The following NAA60 variants were observed in gnomAD, a reference collection of about 807,000 sequenced individuals.
NAA60 encodes the protein N-alpha-acetyltransferase 60, NatF catalytic subunit.
In NAA60, 8 loss-of-function variants were observed where a neutral mutation model predicts 26.1. That is an observed-to-expected ratio of 0.31 (90% CI 0.18 to 0.55). NAA60 has a LOEUF of 0.55. Among genes scored for constraint, NAA60 ranks in the 20% least tolerant of loss-of-function variants. The probability of loss-of-function intolerance (pLI) is 0.93; values close to 1 mark genes in which losing one functional copy is unlikely to be tolerated. For missense variants in NAA60, 290 were observed against 311.3 expected (o/e 0.93, Z 0.51); for synonymous variants, 131 against 122.5 (o/e 1.07, Z -0.46).
intron 2 of NAA60, among the ~76,000 whole-genome samples, chr16:3,459,118 G>T (rs1390712811): frequency 6.6e-6 from 1 of 152,188 alleles, no homozygotes; most frequent in African/African-American, 2.4e-5. Flanking sequence ...AGAGTAGTTC[G>T]CTTTGGTATC....
intron 2 of NAA60, among the ~76,000 whole-genome samples, chr16:3,460,401 T>TCTA (rs1191521121): frequency 3.3e-5 from 5 of 152,308 alleles, no homozygotes; most frequent in African/African-American, 1.2e-4. Flanking sequence ...TCTCACTCTG[T>TCTA]CGCCCAGGCT....
chr16:3,485,565 T>C lies in NAA60; in HGVS notation c.*305T>C. ...GTCCCCAGGGCTGACCCAGTGTGGC[T>C]GCATTCACTGGGAGGGGCCTGCCCT... is the stretch of plus-strand genomic sequence containing the variant. On this transcript the variant is annotated 3_prime_UTR_variant, in exon 8 of 8. Coordinates refer to ENST00000407558, the MANE Select transcript of NAA60 (RefSeq NM_001083601.3). 2.2e-6 allele frequency: 1 copy of C among 454,170 alleles called. No individual in the cohort carries two copies. Among genetic ancestry groups the C allele is most frequent in the Non-Finnish European group, 4.4e-6 (1 of 225,406 alleles). 28.1% of individuals were successfully genotyped at this position (454,170 alleles called of 1,614,324 possible).
intron 6 of NAA60, chr16:3,483,838 C>G: frequency 1.9e-6 from 1 of 522,844 alleles, no homozygotes; most frequent in South Asian, 2.4e-5. Flanking sequence ...AATGATCCGC[C>G]TGCCGCAGCC....
At chr16:3,456,796 C>CTT in intron 2 of NAA60, 1 of 146,160 alleles carries the variant, frequency 6.8e-6, no homozygotes, top group Non-Finnish European at 1.5e-5. Flanking sequence ...AGACTCAAAT[C>CTT]TTTTTTTTTT....
At chr16:3,458,112 C>A (rs2035102764) in intron 2 of NAA60, 1 of 985,282 alleles carries the variant, frequency 1.0e-6, no homozygotes, top group Middle Eastern at 5.2e-4. Context: ...GTCCCACTTC[C>A]CGGCTCCCTT....
intron 2 of NAA60, among the ~76,000 whole-genome samples, chr16:3,451,636 G>A (rs922579531): frequency 1.3e-5 from 2 of 152,188 alleles, no homozygotes; most frequent in African/African-American, 2.4e-5. Context: ...AATAATACCT[G>A]GCCAGGTGTG....
intron 2 of NAA60, among the ~76,000 whole-genome samples, chr16:3,469,814 C>T (rs1455722962): frequency 2.0e-5 from 3 of 152,242 alleles, no homozygotes; most frequent in African/African-American, 7.2e-5. Flanking sequence ...CTTGCCAGCA[C>T]CAGGGCTTTG....
rs1292744074 is a variant in NAA60, at chr16:3,443,753, C to G, written c.-161C>G. 2.0e-6 allele frequency: 3 copies of G among 1,532,166 alleles called. No homozygotes were observed. Among genetic ancestry groups the G allele is most frequent in the African/African-American group, 2.7e-5 (2 of 72,926 alleles). 94.9% of individuals were successfully genotyped at this position (1,532,166 alleles called of 1,614,324 possible). A position where few individuals can be genotyped will look rare whatever the true frequency, so the allele number is the denominator to read the frequency against. ...TGCTGAAGTAGAGTCTTAGGGTGAC[C>G]CCAGGGGGACGTAATGTTTCCGAGA... is the stretch of plus-strand genomic sequence containing the variant. On this transcript the variant is annotated 5_prime_UTR_variant, in exon 1 of 8. Coordinates refer to ENST00000407558, the MANE Select transcript of NAA60 (RefSeq NM_001083601.3).
At chr16:3,466,244 T>C (rs1028808590) in intron 2 of NAA60, among the ~76,000 whole-genome samples, 2 of 152,162 alleles carry the variant, frequency 1.3e-5, no homozygotes, top group African/African-American at 4.8e-5. Context: ...ATGCATCGAG[T>C]TGTATGCGGC....
At chr16:3,458,820 C>G (rs1484922356) in intron 2 of NAA60, among the ~76,000 whole-genome samples, 2 of 152,222 alleles carry the variant, frequency 1.3e-5, no homozygotes, top group African/African-American at 2.4e-5. Context: ...CTCCGACTTT[C>G]TTCTCCAGAT....
chr16:3,455,361 G>A (rs891362851), intron 2 of NAA60, among the ~76,000 whole-genome samples: 1 of 151,056 alleles, frequency 6.6e-6, no homozygotes, highest in Non-Finnish European at 1.5e-5. Context: ...ATGAGCCACC[G>A]GGCATAGCCA....
rs940223754 is a variant in NAA60 at position 3,444,185 on chromosome 16, A to T, written c.-77+348A>T. On this transcript the variant is annotated intron_variant, in intron 1 of 7. Transcript: ENST00000407558. ...GACGTTGTTCGCCCCCGGATACCTC[A>T]CATGCAGCCTACCCTAGAGCCAGTC... Among the ~76,000 whole-genome samples the T allele has an allele frequency of 2.0e-5, 3 of 152,216 alleles. No individual in the cohort carries two copies. The South Asian group carries it at 6.2e-4, about 32-fold the overall frequency.
intron 2 of NAA60, 38 bp from the exon 3 acceptor site, chr16:3,476,184 G>C: frequency 1.3e-6 from 2 of 1,498,116 alleles, no homozygotes; most frequent in African/African-American, 1.4e-5. Context: ...GGAAGACCAG[G>C]CTGTGAGGTG....
Position 3,483,614 on chromosome 16 carries a change from G to A in NAA60, c.572+17G>A, listed in dbSNP as rs74005810. 2,811 of 1,589,352 alleles carry A rather than the reference G, an allele frequency of 1.8e-3. 56 individuals are homozygous for A. The African/African-American group carries it at 0.035, about 20-fold the overall frequency. On this transcript the variant is annotated intron_variant, in intron 6 of 7. Transcript: ENST00000407558. ...GACGATTTTATATCCTTAACTTCTG[G>A]GGGAGAGGGACTGTGGCTTCCTGTC...
chr16:3,457,834 A>G (rs2035075872), intron 2 of NAA60, among the ~76,000 whole-genome samples: 1 of 152,094 alleles, frequency 6.6e-6, no homozygotes, highest in Non-Finnish European at 1.5e-5. Context: ...TCCCGGAGCG[A>G]GGGACAGGGA....
At chr16:3,467,460 AT>A (rs1243005846) in intron 2 of NAA60, among the ~76,000 whole-genome samples, 1 of 152,158 alleles carries the variant, frequency 6.6e-6, no homozygotes, top group East Asian at 1.9e-4. Context: ...CAAGCGCAGC[AT>A]GACTTGTTGG....
chr16:3,484,846 G>A lies in NAA60; in HGVS notation c.720G>A (p.Arg240=), dbSNP rs1436245086. ...ISSKSGIEYS[R]TM is the part of the protein sequence containing the mutation. ...CCAAGAGTGGCATCGAGTACAGCCG[G>A]ACCATGTGATGTCGGCTGGGCAGCC... The change falls in exon 7 of 8, where the codon CGG becomes CGA. Residue 240 remains arginine (R), a synonymous_variant. Transcript: ENST00000407558. 1.9e-6 allele frequency: 3 copies of A among 1,561,044 alleles called. No individual in the cohort carries two copies. The South Asian group carries it at 3.5e-5, about 18-fold the overall frequency.
chr16:3,457,350 C>A (rs1196829724), intron 2 of NAA60, among the ~76,000 whole-genome samples: 1 of 152,228 alleles, frequency 6.6e-6, no homozygotes, highest in Admixed American at 6.5e-5. Context: ...CACCTGTAGT[C>A]TCGGCTACTT....
intron 2 of NAA60, chr16:3,458,319 C>G: frequency 2.3e-6 from 1 of 435,466 alleles, no homozygotes; most frequent in Non-Finnish European, 3.1e-6. Flanking sequence ...GCAGGCCCGG[C>G]CGCGCCCGCG....
Sources: allele counts gnomAD v4.1 joint callset (sites outside exome capture counted in the v4.1 genomes callset), GRCh38; gene constraint gnomAD v4.1.1; transcripts MANE v1.5; gene names NCBI Gene and HGNC (gene_info 2026-07-23, HGNC 2026-07-21).